RIMBP2: variants seen among roughly 807,000 people sequenced by gnomAD.
RIMBP2 encodes RIMS binding protein 2, also known as RIMS-binding protein 2.
Under a neutral mutation model 118.6 loss-of-function variants are expected in RIMBP2, and 48 were observed. That is an observed-to-expected ratio of 0.40 (90% CI 0.32 to 0.51). The LOEUF (loss-of-function observed/expected upper bound fraction) is 0.51, where lower values mean the gene tolerates loss of function less well. RIMBP2 is among the 20% of genes least tolerant of loss of function. The pLI, the probability that RIMBP2 is intolerant of heterozygous loss-of-function variation, is 0.41. For missense variants in RIMBP2, 1,551 were observed against 1,768.3 expected, an observed-to-expected ratio of 0.88 and a Z score of 2.20; for synonymous variants, 762 against 742.9, an observed-to-expected ratio of 1.03 and a Z score of -0.42.
At chr12:130,482,654 C>T (rs1352180493) in intron 4 of RIMBP2, among the ~76,000 whole-genome samples, 1 of 152,270 alleles carries the variant, frequency 6.6e-6, no homozygotes, top group Non-Finnish European at 1.5e-5. Context: ...CTGAAGGCTA[C>T]AGCAACGCAA....
rs74396465 is a variant in RIMBP2, at chr12:130,589,653, A to G, written c.-217+38669T>C. Among the ~76,000 whole-genome samples, 263 of 152,336 alleles carry G rather than the reference A, an allele frequency of 1.7e-3. 4 individuals are homozygous for G. The East Asian group carries it at 0.03, about 17-fold the overall frequency. On this transcript the variant is annotated intron_variant, in intron 2 of 22. Transcript: ENST00000690449. ...AAATAGGTGAGGTGATGGATGTGTT[A>G]TCTTGATTTAATCCTTCCGCAATGT...
chr12:130,431,902 G>A lies in RIMBP2; in HGVS notation c.2253+2832C>T, dbSNP rs1566021237. 6.3e-6 allele frequency: 1 copy of A among 158,616 alleles called. No individual in the cohort carries two copies. The highest frequency in any genetic ancestry group is 2.4e-5 in the African/African-American group (1 of 41,536). The allele number at this position is 158,616 out of a possible 1,614,324, so 9.8% of individuals were successfully genotyped here. A position where few individuals can be genotyped will look rare whatever the true frequency, so the allele number is the denominator to read the frequency against. ...CAGCACTGGTGGCCACCAGCCACGTGTGGCTGTTTACATGTAAACTAATTA... is the reference window on the plus strand; with the variant it reads ...CAGCACTGGTGGCCACCAGCCACGTATGGCTGTTTACATGTAAACTAATTA... On this transcript the variant is annotated intron_variant, in intron 14 of 22. Transcript: ENST00000690449. This position sits in a 1 kb window ranked among gnomAD's most constrained non-coding sequence, Gnocchi z 4.0.
intron 2 of RIMBP2, among the ~76,000 whole-genome samples, chr12:130,538,954 T>TAA (rs2054316751): frequency 6.6e-6 from 1 of 152,140 alleles, no homozygotes; most frequent in African/African-American, 2.4e-5. Context: ...CTGAGGGTGC[T>TAA]AAGGGTGGTA....
intron 14 of RIMBP2, chr12:130,430,745 C>T (rs912017181): frequency 2.6e-4 from 39 of 151,504 alleles, no homozygotes; most frequent in African/African-American, 8.5e-4. Flanking sequence ...ATTCTCGTGC[C>T]TCAGCCTCCT....
Position 130,578,044 on chromosome 12 carries a change from A to G in RIMBP2, c.-217+50278T>C, listed in dbSNP as rs1374069167. Among the ~76,000 whole-genome samples, 1 of 152,156 alleles carries G rather than the reference A, an allele frequency of 6.6e-6. No homozygotes were observed. Among genetic ancestry groups the G allele is most frequent in the Non-Finnish European group, 1.5e-5 (1 of 68,036 alleles). ...TATACCTCAACAAAGCTGGGGAAAA[A>G]AATATCTTCTCTGAAAGGCAGATGT... On this transcript the variant is annotated intron_variant, in intron 2 of 22. Coordinates refer to ENST00000690449, the MANE Select transcript of RIMBP2 (RefSeq NM_001393629.1). This position sits in a 1 kb window ranked among gnomAD's most constrained non-coding sequence, Gnocchi z 4.1.
In RIMBP2 at chr12:130,456,696, T is replaced by C. The variant is rs752466144; in HGVS notation, c.158A>G (p.Lys53Arg). Residue 53 changes from lysine to arginine, a missense_variant, in exon 7 of 23, where the codon AAG becomes AGG. This residue lies in a region of RIMBP2 where 239 missense variants were observed against 256.8 expected (regional missense o/e 0.93). Coordinates refer to ENST00000690449, the MANE Select transcript of RIMBP2 (RefSeq NM_001393629.1). ...GCATTTCTCTTCCAGCTCTCGAACC[T>C]TGGACTGCACGGCAGAAGCAGGACA... is the stretch of plus-strand genomic sequence containing the variant. ...HEGAVRLLES[K>R]VRELEEKCRT... The C allele has an allele frequency of 1.9e-6, 3 of 1,601,246 alleles. No homozygotes were observed. In the African/African-American group the frequency reaches 4.0e-5, roughly 21 times the overall value.
In RIMBP2 at chr12:130,470,640, A is replaced by T. The variant is rs144855753; in HGVS notation, c.153+53T>A. 464 of 1,085,612 alleles carry T rather than the reference A, an allele frequency of 4.3e-4. No individual in the cohort carries two copies. The African/African-American group carries it at 6.9e-3, about 16-fold the overall frequency. 67.2% of individuals were successfully genotyped at this position (1,085,612 alleles called of 1,614,324 possible). A position where few individuals can be genotyped will look rare whatever the true frequency, so the allele number is the denominator to read the frequency against. On this transcript the variant is annotated intron_variant, in intron 6 of 22. Coordinates refer to ENST00000690449, the MANE Select transcript of RIMBP2 (RefSeq NM_001393629.1). ...ATTATTTCTAGCAGGCATCAGGGCA[A>T]CTCTCCCCAACGTCCCCCACCCCCG...
At chr12:130,412,403 G>T (rs2075786287) in intron 19 of RIMBP2, among the ~76,000 whole-genome samples, 1 of 152,146 alleles carries the variant, frequency 6.6e-6, no homozygotes, top group Non-Finnish European at 1.5e-5. Flanking sequence ...TCACACTTAG[G>T]TGTATCTGTG....
chr12:130,714,075 C>T (rs1950156267), intron 1 of RIMBP2, among the ~76,000 whole-genome samples: 1 of 152,180 alleles, frequency 6.6e-6, no homozygotes, highest in Admixed American at 6.5e-5. Context: ...CGCTCACCAA[C>T]GTGTGAGAAT....
intron 1 of RIMBP2, among the ~76,000 whole-genome samples, chr12:130,711,872 C>T (rs1314890702): frequency 3.9e-5 from 6 of 152,208 alleles, no homozygotes; most frequent in African/African-American, 7.2e-5. Flanking sequence ...ACGCCCGGGC[C>T]GCACAGCCTC....
intron 4 of RIMBP2, among the ~76,000 whole-genome samples, chr12:130,493,398 T>A (rs1463167301): frequency 6.6e-6 from 1 of 152,098 alleles, no homozygotes; most frequent in Non-Finnish European, 1.5e-5. Flanking sequence ...CACTGCAACC[T>A]CCACCTCCTG....
At chr12:130,655,931 C>T (rs2063410117) in intron 1 of RIMBP2, among the ~76,000 whole-genome samples, 1 of 152,206 alleles carries the variant, frequency 6.6e-6, no homozygotes, top group Admixed American at 6.5e-5. Flanking sequence ...GCTGGGAGAG[C>T]CAGGAGTGAA....
At chr12:130,499,937 ATTTC>A (rs747430510) in intron 4 of RIMBP2, among the ~76,000 whole-genome samples, 4 of 152,256 alleles carry the variant, frequency 2.6e-5, no homozygotes, top group East Asian at 3.9e-4. Context: ...GTTCAATTAG[ATTTC>A]TTTATTTTTA....
chr12:130,446,955 C>T lies in RIMBP2; in HGVS notation c.582-1686G>A, dbSNP rs1334189666. 6.7e-6 allele frequency among the ~76,000 whole-genome samples: 1 copy of T among 148,490 alleles called. No homozygotes were observed. The highest frequency in any genetic ancestry group is 1.5e-5 in the Non-Finnish European group (1 of 67,680). Reference sequence around the variant, plus strand: ...GAGGTGCAGGAGGACCCTCGGCTTTCTGGCCTCAGGGTGAGCAGGCGGGGA... The same window carrying T: ...GAGGTGCAGGAGGACCCTCGGCTTTTTGGCCTCAGGGTGAGCAGGCGGGGA... On this transcript the variant is annotated intron_variant, in intron 9 of 22. Transcript: ENST00000690449. The surrounding 1 kb of genome is among the most constrained non-coding windows in gnomAD (Gnocchi z 4.1).
At chr12:130,678,672 C>T (rs1267705358) in intron 1 of RIMBP2, among the ~76,000 whole-genome samples, 1 of 152,192 alleles carries the variant, frequency 6.6e-6, no homozygotes, top group Non-Finnish European at 1.5e-5. Flanking sequence ...CACGCGCCAC[C>T]ATGCCCAGCT....
Position 130,709,634 on chromosome 12 carries a change from C to T in RIMBP2, c.-352+6588G>A, listed in dbSNP as rs144626759. Among the ~76,000 whole-genome samples the T allele has an allele frequency of 2.4e-3, 359 of 152,288 alleles. 2 individuals carry two copies. The highest frequency in any genetic ancestry group is 8.1e-3 in the African/African-American group (338 of 41,572). Reference sequence around the variant, plus strand: ...CCTGTTGCCCCCGTCCCAATATCTCCGTCCAAGGAGGTACAGGGGCAGCGT... The same window carrying T: ...CCTGTTGCCCCCGTCCCAATATCTCTGTCCAAGGAGGTACAGGGGCAGCGT... On this transcript the variant is annotated intron_variant, in intron 1 of 22. Coordinates refer to ENST00000690449, the MANE Select transcript of RIMBP2 (RefSeq NM_001393629.1).
At chr12:130,697,332 A>G (rs1289986601) in intron 1 of RIMBP2, among the ~76,000 whole-genome samples, 1 of 152,220 alleles carries the variant, frequency 6.6e-6, no homozygotes, top group Non-Finnish European at 1.5e-5. Flanking sequence ...GACCAGCCTG[A>G]GTAACATAGC....
chr12:130,590,764 C>T (rs538574540), intron 2 of RIMBP2, among the ~76,000 whole-genome samples: 1 of 152,284 alleles, frequency 6.6e-6, no homozygotes, highest in East Asian at 1.9e-4. Context: ...TGAAGGAATG[C>T]GGTTTTTAAA....
chr12:130,698,656 G>A (rs1482400397), intron 1 of RIMBP2, among the ~76,000 whole-genome samples: 1 of 152,050 alleles, frequency 6.6e-6, no homozygotes, highest in East Asian at 1.9e-4. Flanking sequence ...ATACCATTCA[G>A]GACATAGGCA....
Sources: gnomAD v4.1 joint callset for allele counts (sites outside exome capture counted in the v4.1 genomes callset) on GRCh38, gnomAD v4.1.1 for gene constraint, gnomAD v4.1.1 regional missense constraint, Gnocchi (gnomAD v3.1) non-coding constraint, MANE v1.5 for transcripts, NCBI Gene and HGNC (gene_info 2026-07-23, HGNC 2026-07-21) for gene names.